MAPK10: variants seen among roughly 807,000 people sequenced by gnomAD.
MAPK10 encodes JNK3 alpha protein kinase.
MAPK10 carries 25 observed loss-of-function variants against 59.3 expected under a neutral mutation model. The ratio of observed to expected loss-of-function variants is 0.42; its 90% confidence interval spans 0.31 to 0.59. MAPK10 has a LOEUF of 0.59. Ranked by LOEUF, MAPK10 falls within the 20% of genes least tolerant of loss-of-function variation. The probability of loss-of-function intolerance (pLI) is 0.15; values close to 1 mark genes in which losing one functional copy is unlikely to be tolerated. For synonymous variants in MAPK10, 190 were observed against 200.5 expected, an observed-to-expected ratio of 0.95 and a Z score of 0.44; for missense variants, 351 against 568.9, an observed-to-expected ratio of 0.62 and a Z score of 3.90.
At chr4:86,227,511 A>AAAAAG (rs1244978653) in intron 2 of MAPK10, among the ~76,000 whole-genome samples, 2 of 151,726 alleles carry the variant, frequency 1.3e-5, no homozygotes, top group Non-Finnish European at 2.9e-5. Flanking sequence ...GAAAGAAAAG[A>AAAAAG]AAAAGAAAAG....
At chr4:86,511,294 G>A (rs550199893) in intron 1 of MAPK10, among the ~76,000 whole-genome samples, 2 of 150,644 alleles carry the variant, frequency 1.3e-5, no homozygotes, top group East Asian at 3.9e-4. Flanking sequence ...GACCAGCCTG[G>A]GCAATGTAAG....
chr4:86,573,950 A>G (rs1761662821), intron 1 of MAPK10, among the ~76,000 whole-genome samples: 1 of 152,186 alleles, frequency 6.6e-6, no homozygotes, highest in Non-Finnish European at 1.5e-5. Flanking sequence ...ACATGTGCAC[A>G]ATGTGCAGGT....
intron 13 of MAPK10, among the ~76,000 whole-genome samples, chr4:86,023,157 G>A (rs1436241575): frequency 6.6e-6 from 1 of 152,064 alleles, no homozygotes; most frequent in African/African-American, 2.4e-5. Context: ...TCTTTTGCAT[G>A]TATATATCCA....
At chr4:86,441,582 A>C (rs1265374005) in intron 1 of MAPK10, among the ~76,000 whole-genome samples, 2 of 152,224 alleles carry the variant, frequency 1.3e-5, no homozygotes, top group African/African-American at 4.8e-5. Context: ...AAAGCTAGAA[A>C]CAAGCATTTT....
chr4:86,314,620 G>GTA (rs1383768048), intron 2 of MAPK10, among the ~76,000 whole-genome samples: 1 of 151,958 alleles, frequency 6.6e-6, no homozygotes, highest in African/African-American at 2.4e-5. Context: ...AACCCGATAG[G>GTA]TATATACATG....
At chr4:86,154,970 A>G (rs531087725) in intron 4 of MAPK10, among the ~76,000 whole-genome samples, 1 of 152,068 alleles carries the variant, frequency 6.6e-6, no homozygotes, top group Non-Finnish European at 1.5e-5. Context: ...CCAACTTTCA[A>G]TCACTTTTGT....
chr4:86,557,644 A>G (rs1356784614), intron 1 of MAPK10, among the ~76,000 whole-genome samples: 1 of 152,080 alleles, frequency 6.6e-6, no homozygotes, highest in Non-Finnish European at 1.5e-5. Flanking sequence ...TGTTGTATTT[A>G]ATGACACCAA....
intron 2 of MAPK10, among the ~76,000 whole-genome samples, chr4:86,271,190 AT>A (rs1251491547): frequency 4.0e-5 from 6 of 151,610 alleles, no homozygotes; most frequent in African/African-American, 1.2e-4. Flanking sequence ...TAATATCGTC[AT>A]TTTTTTCATT....
At chr4:86,396,266 G>A (rs866139533) in intron 1 of MAPK10, among the ~76,000 whole-genome samples, 3 of 152,166 alleles carry the variant, frequency 2.0e-5, no homozygotes, top group East Asian at 1.9e-4. Context: ...AGAATGGCGC[G>A]AACCCAGGAG....
At chr4:86,455,405 A>T (rs931432983), upstream of MAPK10, among the ~76,000 whole-genome samples, 4 of 152,152 alleles carry the variant, frequency 2.6e-5, no homozygotes, top group South Asian at 8.3e-4. Flanking sequence ...ACAAACTTCA[A>T]GAGACACACC....
intron 1 of MAPK10, among the ~76,000 whole-genome samples, chr4:86,449,829 G>A (rs1750487831): frequency 1.3e-5 from 2 of 152,228 alleles, no homozygotes; most frequent in African/African-American, 4.8e-5. Flanking sequence ...TGCTGGTCTT[G>A]AGAAGTAACC....
chr4:86,515,885 GT>G (rs56248461), intron 1 of MAPK10, among the ~76,000 whole-genome samples: 48,819 of 142,012 alleles, frequency 0.34, 8,090 homozygotes, highest in Admixed American at 0.38. Context: ...TTTTGTTGTT[GT>G]TTTTTTTTTG....
intron 1 of MAPK10, among the ~76,000 whole-genome samples, chr4:86,442,987 C>A (rs1350762285): frequency 6.6e-6 from 1 of 152,134 alleles, no homozygotes; most frequent in Non-Finnish European, 1.5e-5. Flanking sequence ...GAAGGGAGGT[C>A]ACAGAGCAAA....
chr4:86,018,507 T>C (rs947744861), intron 13 of MAPK10, among the ~76,000 whole-genome samples: 1 of 152,176 alleles, frequency 6.6e-6, no homozygotes, highest in Admixed American at 6.5e-5. Context: ...TGCGGGAGTA[T>C]AAGGTTGAAA....
chr4:86,566,614 C>T (rs1377452738), intron 1 of MAPK10, among the ~76,000 whole-genome samples: 1 of 151,810 alleles, frequency 6.6e-6, no homozygotes, highest in African/African-American at 2.4e-5. Flanking sequence ...GCTCGGGAGG[C>T]TGGGGCAGTA....
intron 1 of MAPK10, among the ~76,000 whole-genome samples, chr4:86,367,659 T>G (rs1738123242): frequency 6.6e-6 from 1 of 152,008 alleles, no homozygotes; most frequent in African/African-American, 2.4e-5. Context: ...TTGTTTTTTT[T>G]TTTGTTTTGT....
intron 3 of MAPK10, among the ~76,000 whole-genome samples, chr4:86,166,290 G>C (rs557550043): frequency 6.6e-6 from 1 of 152,124 alleles, no homozygotes; most frequent in South Asian, 2.1e-4. Flanking sequence ...TGAGCCCTTG[G>C]GCAAGTTCTT....
intron 2 of MAPK10, among the ~76,000 whole-genome samples, chr4:86,319,300 C>G (rs909838520): frequency 2.0e-5 from 3 of 152,044 alleles, no homozygotes; most frequent in Non-Finnish European, 4.4e-5. Context: ...AAGAACAGAA[C>G]AGGAATTATA....
chr4:86,317,955 T>C (rs1257180591), intron 2 of MAPK10, among the ~76,000 whole-genome samples: 1 of 152,184 alleles, frequency 6.6e-6, no homozygotes, highest in African/African-American at 2.4e-5. Context: ...CAGCAATCCT[T>C]GGAGTTCTCT....
Sources: gnomAD v4.1 joint callset for allele counts (sites outside exome capture counted in the v4.1 genomes callset) on GRCh38, gnomAD v4.1.1 for gene constraint, MANE v1.5 for transcripts, NCBI Gene and HGNC (gene_info 2026-07-23, HGNC 2026-07-21) for gene names.